Variants in ADAMTSL1 observed in about 807,000 individuals in gnomAD.
ADAMTSL1 encodes ADAMTS like 1.
Under a neutral mutation model 201.8 loss-of-function variants are expected in ADAMTSL1, and 126 were observed. The ratio of observed to expected loss-of-function variants is 0.62; its 90% CI spans 0.54 to 0.72. The LOEUF (loss-of-function observed/expected upper bound fraction) is 0.72, where lower values mean the gene tolerates loss of function less well. ADAMTSL1 is among the 30% of genes least tolerant of loss of function. The pLI is 0.00. For synonymous variants in ADAMTSL1, 1,121 were observed against 903.4 expected (o/e 1.24, Z -4.32); for missense variants, 2,679 against 2,277.8 (o/e 1.18, Z -3.59).
intron 14 of ADAMTSL1, 76 bp downstream of exon 14, chr9:18,707,124 G>A (rs1832278803): frequency 6.6e-7 from 1 of 1,508,046 alleles, no homozygotes; most frequent in South Asian, 1.3e-5. Flanking sequence ...GCTGGATCAT[G>A]TGACTGCCTC....
At chr9:18,661,834 T>C in intron 8 of ADAMTSL1, 101 bp from the exon 9 acceptor site, 1 of 1,247,848 alleles carries the variant, frequency 8.0e-7, no homozygotes, top group Non-Finnish European at 1.1e-6. Flanking sequence ...ACTAAGGCAT[T>C]GGGGAATAAT....
chr9:18,044,106 A>C (rs10810892), intron 1 of ADAMTSL1, among the ~76,000 whole-genome samples: 83,559 of 150,018 alleles, frequency 0.56, 23,614 homozygotes, highest in African/African-American at 0.66. Flanking sequence ...GGCTATTGCA[A>C]TAGGTATAAA....
At chr9:18,455,888 T>G (rs913538272) in intron 2 of ADAMTSL1, among the ~76,000 whole-genome samples, 1 of 152,074 alleles carries the variant, frequency 6.6e-6, no homozygotes, top group Non-Finnish European at 1.5e-5. Context: ...TTTTACAGTT[T>G]AAAGAAAGAG....
chr9:18,303,208 T>C (rs1833771745), intron 2 of ADAMTSL1, among the ~76,000 whole-genome samples: 1 of 152,256 alleles, frequency 6.6e-6, no homozygotes, highest in South Asian at 2.1e-4. Context: ...GGAGTGTTCA[T>C]GTACAAAAGT....
rs569415225 is a variant in ADAMTSL1, at chr9:18,888,586, G to T, written c.4462+543G>T. Among the ~76,000 whole-genome samples, 3 of 152,320 alleles carry T rather than the reference G, an allele frequency of 2.0e-5. No individual in the cohort carries two copies. The South Asian group carries it at 6.2e-4, about 32-fold the overall frequency. On this transcript the variant is annotated intron_variant, in intron 24 of 28. Transcript: ENST00000380548. Reference sequence around the variant, plus strand: ...CATTAACCTTCCAGGAAAACAGGCAGGTCAGAAAGCCTTTGGGTGGGGCCT... The same window carrying T: ...CATTAACCTTCCAGGAAAACAGGCATGTCAGAAAGCCTTTGGGTGGGGCCT...
In ADAMTSL1 at chr9:18,902,575, A is replaced by G. The variant is rs550614336; in HGVS notation, c.4852-3207A>G. Among the ~76,000 whole-genome samples the G allele has an allele frequency of 2.0e-4, 30 of 152,336 alleles. 1 individual carries two copies. The South Asian group carries it at 2.9e-3, about 15-fold the overall frequency. Reference sequence around the variant, plus strand: ...AGACAAGTGAAAACAAAACCACAACATACCAAAATATATGGAGCACAGAGA... The same window carrying G: ...AGACAAGTGAAAACAAAACCACAACGTACCAAAATATATGGAGCACAGAGA... On this transcript the variant is annotated intron_variant, in intron 26 of 28. Transcript: ENST00000380548.
intron 2 of ADAMTSL1, among the ~76,000 whole-genome samples, chr9:18,267,848 G>A (rs7862758): frequency 0.068 from 10,217 of 149,926 alleles, 423 homozygotes; most frequent in African/African-American, 0.089. Context: ...GTCTTGTAGC[G>A]GCTTTGAAAC....
chr9:18,035,599 A>G (rs765759592), intron 1 of ADAMTSL1, among the ~76,000 whole-genome samples: 8 of 152,140 alleles, frequency 5.3e-5, no homozygotes, highest in Non-Finnish European at 1.0e-4. Context: ...AATGACATCT[A>G]AAATTGCAAC....
intron 1 of ADAMTSL1, among the ~76,000 whole-genome samples, chr9:18,490,197 G>A (rs928385268): frequency 2.5e-4 from 38 of 152,274 alleles, no homozygotes; most frequent in African/African-American, 8.9e-4. Flanking sequence ...CTGGAAGCAG[G>A]CTGGGGTCCC....
chr9:18,208,285 CTG>C (rs1829735496), intron 2 of ADAMTSL1, among the ~76,000 whole-genome samples: 1 of 152,138 alleles, frequency 6.6e-6, no homozygotes, highest in Non-Finnish European at 1.5e-5. Context: ...GGCAGTTTCT[CTG>C]TGTCTTTGGA....
intron 1 of ADAMTSL1, among the ~76,000 whole-genome samples, chr9:18,056,716 C>G (rs114652923): frequency 0.044 from 6,688 of 152,254 alleles, 420 homozygotes; most frequent in African/African-American, 0.14. Flanking sequence ...CCTGATCTCT[C>G]AGACCCTTCA....
At chr9:18,365,264 C>T (rs7024252) in intron 2 of ADAMTSL1, among the ~76,000 whole-genome samples, 2 of 151,884 alleles carry the variant, frequency 1.3e-5, no homozygotes, top group African/African-American at 4.8e-5. Flanking sequence ...ATGTACTTAT[C>T]GACATCATCA....
At chr9:18,460,271 T>C (rs1032159121) in intron 2 of ADAMTSL1, among the ~76,000 whole-genome samples, 4 of 152,152 alleles carry the variant, frequency 2.6e-5, no homozygotes, top group African/African-American at 9.7e-5. Context: ...ATAAACACCG[T>C]ATCTTATTTA....
intron 2 of ADAMTSL1, among the ~76,000 whole-genome samples, chr9:18,444,142 T>C (rs995815460): frequency 6.6e-6 from 1 of 152,216 alleles, no homozygotes; most frequent in African/African-American, 2.4e-5. Context: ...ATGTCTAGCA[T>C]GTGTGACGAT....
chr9:18,271,504 C>A (rs1832367434), intron 2 of ADAMTSL1, among the ~76,000 whole-genome samples: 1 of 152,112 alleles, frequency 6.6e-6, no homozygotes, highest in African/African-American at 2.4e-5. Flanking sequence ...AGGACATGAA[C>A]TCATCATTTT....
chr9:18,820,491 T>C (rs1324751535), intron 21 of ADAMTSL1, among the ~76,000 whole-genome samples: 1 of 152,206 alleles, frequency 6.6e-6, no homozygotes, highest in Non-Finnish European at 1.5e-5. Flanking sequence ...CAGCTGACAT[T>C]TTATTAATTT....
At chr9:18,099,410 G>T (rs1486362756) in intron 1 of ADAMTSL1, among the ~76,000 whole-genome samples, 5 of 126,744 alleles carry the variant, frequency 3.9e-5, no homozygotes, top group African/African-American at 8.9e-5. Context: ...CTTTGGTTTT[G>T]GTTGCTCTGG....
chr9:18,392,196 T>C (rs1163045935), intron 2 of ADAMTSL1, among the ~76,000 whole-genome samples: 3 of 152,202 alleles, frequency 2.0e-5, no homozygotes, highest in African/African-American at 7.2e-5. Context: ...TTGTTACAAA[T>C]ATGATTAGTA....
intron 1 of ADAMTSL1, among the ~76,000 whole-genome samples, chr9:17,972,246 T>C (rs1439368720): frequency 2.1e-5 from 3 of 139,868 alleles, no homozygotes; most frequent in Admixed American, 7.4e-5. Flanking sequence ...ATGTGCCATG[T>C]TGGTGTGCTG....
Sources: gnomAD v4.1 joint callset for allele counts (sites outside exome capture counted in the v4.1 genomes callset) on GRCh38, gnomAD v4.1.1 for gene constraint, MANE v1.5 for transcripts, NCBI Gene and HGNC (gene_info 2026-07-23, HGNC 2026-07-21) for gene names.